Variants in TCF4 observed in about 807,000 individuals in gnomAD.
TCF4 encodes the protein transcription factor 4.
In TCF4, 3 loss-of-function variants were observed where a neutral mutation model predicts 82.1. The observed-to-expected ratio is 0.04, with a 90% CI of 0.02 to 0.09. The LOEUF (loss-of-function observed/expected upper bound fraction) is 0.09. Ranked by LOEUF, TCF4 falls within the 10% of genes least tolerant of loss-of-function variation. The pLI, the probability that TCF4 is intolerant of heterozygous loss-of-function variation, is 1.00. For synonymous variants in TCF4, 276 were observed against 309.6 expected, an observed-to-expected ratio of 0.89 and a Z score of 1.14; for missense variants, 518 against 852.7, an observed-to-expected ratio of 0.61 and a Z score of 4.89.
At chr18:55,501,690 A>G (rs77144906) in intron 3 of TCF4, among the ~76,000 whole-genome samples, 1 of 152,176 alleles carries the variant, frequency 6.6e-6, no homozygotes, top group Non-Finnish European at 1.5e-5. Flanking sequence ...CTTGAAAGGA[A>G]GCATCATCTT....
intron 1 of TCF4, 99 bp downstream of exon 1, chr18:55,587,938 CG>C (rs2097667810): frequency 1.1e-6 from 1 of 934,864 alleles, no homozygotes; most frequent in South Asian, 5.0e-5. Context: ...CGGGAGCCCG[CG>C]GCGCGGGAGG....
intron 6 of TCF4, among the ~76,000 whole-genome samples, chr18:55,379,041 T>C (rs1400950721): frequency 6.6e-6 from 1 of 152,218 alleles, no homozygotes; most frequent in Non-Finnish European, 1.5e-5. Context: ...CTCAGTTATG[T>C]GACATTTTCT....
intron 6 of TCF4, among the ~76,000 whole-genome samples, chr18:55,363,953 T>C (rs896691110): frequency 1.3e-5 from 2 of 152,052 alleles, no homozygotes; most frequent in Non-Finnish European, 2.9e-5. Flanking sequence ...TAAAACTAAA[T>C]AGACTGGGGA....
intron 3 of TCF4, among the ~76,000 whole-genome samples, chr18:55,466,327 C>A (rs78876689): frequency 1.3e-5 from 2 of 152,022 alleles, no homozygotes; most frequent in African/African-American, 2.4e-5. Flanking sequence ...AAGATTCTGT[C>A]GCTACAAAAA....
chr18:55,361,021 G>A (rs1202504384), intron 6 of TCF4, among the ~76,000 whole-genome samples: 1 of 151,968 alleles, frequency 6.6e-6, no homozygotes, highest in Non-Finnish European at 1.5e-5. Flanking sequence ...CACCACACCT[G>A]GCCTGCTAAC....
intron 15 of TCF4, among the ~76,000 whole-genome samples, chr18:55,248,908 C>A (rs544373710): frequency 6.6e-4 from 101 of 152,266 alleles, no homozygotes; most frequent in African/African-American, 2.4e-3. Flanking sequence ...CCATGCCCGG[C>A]TAATTTTTGT....
At chr18:55,300,890 G>C (rs542507387) in intron 8 of TCF4, among the ~76,000 whole-genome samples, 8 of 152,258 alleles carry the variant, frequency 5.3e-5, no homozygotes, top group Admixed American at 3.9e-4. Flanking sequence ...CTAGCCAAGA[G>C]CTCGTCCCAG....
At chr18:55,316,029 G>A (rs1206405646) in intron 8 of TCF4, among the ~76,000 whole-genome samples, 1 of 151,854 alleles carries the variant, frequency 6.6e-6, no homozygotes, top group Non-Finnish European at 1.5e-5. Flanking sequence ...CTAATAAAGT[G>A]CAATTAAACA....
chr18:55,455,181 A>G (rs1463049373), intron 5 of TCF4, among the ~76,000 whole-genome samples: 1 of 66,310 alleles, frequency 1.5e-5, no homozygotes. Flanking sequence ...CTCTGTCTCA[A>G]AAAAAAAAAA....
At chr18:55,506,093 G>T (rs1416828413) in intron 3 of TCF4, among the ~76,000 whole-genome samples, 2 of 152,226 alleles carry the variant, frequency 1.3e-5, no homozygotes, top group Non-Finnish European at 2.9e-5. Flanking sequence ...AAGCTGGAAA[G>T]CTTGTGCTTC....
chr18:55,598,708 T>A (rs983549783), intron 2 of TCF4, among the ~76,000 whole-genome samples: 1 of 152,190 alleles, frequency 6.6e-6, no homozygotes, highest in African/African-American at 2.4e-5. Context: ...GTGTATAGAT[T>A]AGCAGAAAAG....
rs1418093525 is a variant in TCF4 at position 55,322,615 on chromosome 18, GC to G, written c.549+27743del. Among the ~76,000 whole-genome samples the G allele has an allele frequency of 4.2e-4, 64 of 152,110 alleles. 1 individual carries two copies. The highest frequency in any genetic ancestry group is 1.0e-4 in the Non-Finnish European group (7 of 67,996). On this transcript the variant is annotated intron_variant, in intron 8 of 19. Transcript: ENST00000354452. ...CCCGGAGCTGGTGGGAAGCGCGGCC[GC>G]CCATGAACTTCACCTCGCCCCGCCG... is the stretch of plus-strand genomic sequence containing the variant.
chr18:55,584,284 C>T (rs1027445580), intron 3 of TCF4, among the ~76,000 whole-genome samples: 1 of 152,048 alleles, frequency 6.6e-6, no homozygotes, highest in Non-Finnish European at 1.5e-5. Flanking sequence ...TGGCATCTCA[C>T]AGTTAAAAGA....
chr18:55,415,528 T>G (rs1250165836), intron 5 of TCF4, among the ~76,000 whole-genome samples: 2 of 152,182 alleles, frequency 1.3e-5, no homozygotes, highest in Non-Finnish European at 2.9e-5. Context: ...TATTTAGTAC[T>G]AAGTCTCACC....
intron 12 of TCF4, 194 bp downstream of exon 12, chr18:55,261,272 G>A: frequency 1.5e-6 from 1 of 672,808 alleles, no homozygotes; most frequent in Non-Finnish European, 2.6e-6. Context: ...TTTTGAGGAT[G>A]AGAGAAAGAG....
chr18:55,547,893 C>G, intron 3 of TCF4, among the ~76,000 whole-genome samples: 1 of 152,186 alleles, frequency 6.6e-6, no homozygotes, highest in East Asian at 1.9e-4. Flanking sequence ...TCAATTTAGA[C>G]CAGAACTTGA....
chr18:55,592,230 A>T (rs566771725), upstream of TCF4, among the ~76,000 whole-genome samples: 3 of 152,230 alleles, frequency 2.0e-5, no homozygotes, highest in South Asian at 4.2e-4. Context: ...CCTCATATAG[A>T]AGTATGTCTT....
intron 8 of TCF4, among the ~76,000 whole-genome samples, chr18:55,288,621 T>C (rs936897171): frequency 2.0e-5 from 3 of 152,206 alleles, no homozygotes; most frequent in African/African-American, 7.2e-5. Context: ...CCTGGCCATT[T>C]AGCAGCCTAG....
intron 9 of TCF4, among the ~76,000 whole-genome samples, chr18:55,279,322 C>A (rs2062064763): frequency 6.6e-6 from 1 of 152,156 alleles, no homozygotes; most frequent in South Asian, 2.1e-4. Context: ...TGAAGCAGAT[C>A]AATCTAATCT....
Sources: allele counts gnomAD v4.1 joint callset (sites outside exome capture counted in the v4.1 genomes callset), GRCh38; gene constraint gnomAD v4.1.1; transcripts MANE v1.5; gene names NCBI Gene and HGNC (gene_info 2026-07-23, HGNC 2026-07-21).